The following C2CD2 variants were observed in gnomAD, a reference collection of about 807,000 sequenced individuals.
The protein encoded by C2CD2 is C2 domain-containing protein 2.
A neutral mutation model predicts 74.3 loss-of-function variants in C2CD2; 43 were observed. The observed-to-expected ratio is 0.58, with a 90% CI of 0.45 to 0.75. C2CD2 has a LOEUF of 0.75. C2CD2 is among the 30% of genes least tolerant of loss of function. The pLI is 0.00. For synonymous variants in C2CD2, 422 were observed against 390.7 expected, an observed-to-expected ratio of 1.08 and a Z score of -0.94; for missense variants, 801 against 916.3, an observed-to-expected ratio of 0.87 and a Z score of 1.63.
intron 9 of C2CD2, 66 bp from the exon 10 acceptor site, chr21:41,907,232 AC>A: frequency 1.6e-6 from 2 of 1,240,116 alleles, no homozygotes; most frequent in East Asian, 4.6e-5. Context: ...CAGCCAGGTA[AC>A]ACTGCCTTCT....
chr21:41,918,784 C>G (rs1339664072), intron 4 of C2CD2, 72 bp downstream of exon 4: 1 of 1,165,350 alleles, frequency 8.6e-7, no homozygotes, highest in Non-Finnish European at 1.3e-6. Context: ...CACTCAGTTC[C>G]CCACCGCAGA....
chr21:41,905,758 G>A lies in C2CD2; in HGVS notation c.1398C>T (p.Ala466=). The A allele has an allele frequency of 6.2e-7, 1 of 1,610,982 alleles. No individual in the cohort carries two copies. The highest frequency in any genetic ancestry group is 1.1e-5 in the South Asian group (1 of 90,938). ...AAGAAGAGAGTGTTTTGCTGACGGG[G>A]GCGCTGCGGCAGGCGATGGCCTGGA... The part of the protein sequence containing the change: ...ISVQAIACRS[A]PVSKTLSSSD... The change falls in exon 11 of 14, where the codon GCC becomes GCT. Residue 466 remains alanine (A), a synonymous_variant. Transcript: ENST00000380486.
At chr21:41,938,876 G>C (rs1329123726) in intron 2 of C2CD2, among the ~76,000 whole-genome samples, 1 of 151,812 alleles carries the variant, frequency 6.6e-6, no homozygotes, top group Non-Finnish European at 1.5e-5. Flanking sequence ...TAAGTAGCTG[G>C]GATTACAGGT....
chr21:41,901,760 G>A lies in C2CD2; in HGVS notation c.1433-11C>T. ...TCAACACCAACAATTCTACCAGAAG[G>A]AAGGCAGTGTTAAGTTCATCAGCAA... On this transcript the variant is annotated splice_polypyrimidine_tract_variant and intron_variant, in intron 11 of 13. Transcript: ENST00000380486. 1 of 1,613,624 alleles carries A rather than the reference G, an allele frequency of 6.2e-7. No individual in the cohort carries two copies.
intron 11 of C2CD2, 97 bp downstream of exon 11, chr21:41,905,627 T>A: frequency 1.5e-6 from 1 of 663,814 alleles, no homozygotes. Context: ...CCAAAACAAC[T>A]TTTTCCAAAT....
chr21:41,919,096 G>T, intron 3 of C2CD2, 136 bp from the exon 4 acceptor site: 1 of 670,118 alleles, frequency 1.5e-6, no homozygotes, highest in Non-Finnish European at 2.7e-6. Flanking sequence ...GCATATATGA[G>T]TGCATGTGAG....
In C2CD2 at chr21:41,907,158, G is replaced by A; in HGVS notation, c.1152C>T (p.Tyr384=). Residue 384 remains tyrosine (Y), a synonymous_variant, in exon 10 of 14, where the codon TAC becomes TAT. Coordinates refer to ENST00000380486, the MANE Select transcript of C2CD2 (RefSeq NM_015500.2). ...VLGSVTAEFS[Y]MEPGELKSWP... ...AGGATTTCAATTCACCAGGTTCCAT[G>A]TAAGAGAACTGCAGAGAAGACGCGT... 6.2e-7 allele frequency: 1 copy of A among 1,613,980 alleles called. No individual in the cohort carries two copies. The highest frequency in any genetic ancestry group is 1.3e-5 in the African/African-American group (1 of 75,050).
intron 6 of C2CD2, among the ~76,000 whole-genome samples, chr21:41,914,296 A>T (rs1163619659): frequency 5.6e-3 from 169 of 30,390 alleles, no homozygotes; most frequent in South Asian, 6.1e-3. Context: ...TCAACAGTTA[A>T]AAAAAAAAAA....
chr21:41,953,785 G>C lies in C2CD2; in HGVS notation c.-137C>G. 1.2e-6 allele frequency: 1 copy of C among 810,578 alleles called. No individual in the cohort carries two copies. Among genetic ancestry groups the C allele is most frequent in the Non-Finnish European group, 1.6e-6 (1 of 613,866 alleles). The allele number at this position is 810,578 out of a possible 1,614,324, so 50.2% of individuals were successfully genotyped here. On this transcript the variant is annotated 5_prime_UTR_variant, in exon 1 of 14. Transcript: ENST00000380486. ...CGCGGCGGGGTCGGAGCCCGGCGAG[G>C]AGCGTGGCCGGGGGCCTCTGGGCGG...
intron 2 of C2CD2, among the ~76,000 whole-genome samples, chr21:41,937,975 T>C (rs1376592843): frequency 6.6e-6 from 1 of 152,166 alleles, no homozygotes; most frequent in Non-Finnish European, 1.5e-5. Flanking sequence ...GGGGAGGTAT[T>C]GGTTAAAGGA....
chr21:41,916,558 A>G (rs1882685413), intron 5 of C2CD2, among the ~76,000 whole-genome samples: 1 of 151,870 alleles, frequency 6.6e-6, no homozygotes, highest in African/African-American at 2.4e-5. Context: ...TTTAGGTCTC[A>G]GGGCTTCAGA....
chr21:41,927,211 G>A (rs1239838443), intron 2 of C2CD2, among the ~76,000 whole-genome samples: 1 of 152,178 alleles, frequency 6.6e-6, no homozygotes, highest in Non-Finnish European at 1.5e-5. Flanking sequence ...TGTCCCCTAA[G>A]CTGAAGTGCA....
chr21:41,928,544 C>CAAAAAAAAAA (rs59346777), intron 2 of C2CD2, among the ~76,000 whole-genome samples: 36 of 72,258 alleles, frequency 5.0e-4, no homozygotes, highest in African/African-American at 1.0e-3. Flanking sequence ...TAAAGCAAAG[C>CAAAAAAAAAA]AAAAAAAAAA....
In C2CD2 at chr21:41,953,776, C is replaced by G. The variant is rs1210491584; in HGVS notation, c.-128G>C. On this transcript the variant is annotated 5_prime_UTR_variant, in exon 1 of 14. Coordinates refer to ENST00000380486, the MANE Select transcript of C2CD2 (RefSeq NM_015500.2). ...TGGAGGGGGCGCGGCGGGGTCGGAG[C>G]CCGGCGAGGAGCGTGGCCGGGGGCC... The G allele has an allele frequency of 6.7e-6, 6 of 900,966 alleles. No individual in the cohort carries two copies. In the East Asian group the frequency reaches 1.1e-4, roughly 17 times the overall value. 55.8% of individuals were successfully genotyped at this position (900,966 alleles called of 1,614,324 possible).
chr21:41,950,284 G>A (rs2065439744), intron 1 of C2CD2, among the ~76,000 whole-genome samples: 2 of 152,230 alleles, frequency 1.3e-5, no homozygotes, highest in South Asian at 4.1e-4. Context: ...GGGCAGGCAC[G>A]TGTGTCACTA....
intron 2 of C2CD2, among the ~76,000 whole-genome samples, chr21:41,931,118 G>A (rs1377885502): frequency 2.0e-5 from 3 of 150,552 alleles, no homozygotes; most frequent in African/African-American, 7.3e-5. Flanking sequence ...GTGCATGTTG[G>A]GACTAGAAGA....
At chr21:41,928,660 CCT>C (rs1335379268) in intron 2 of C2CD2, among the ~76,000 whole-genome samples, 5 of 152,072 alleles carry the variant, frequency 3.3e-5, no homozygotes. Flanking sequence ...CAGGCAGCCC[CCT>C]GAGTTATGGA....
chr21:41,886,687 T>C lies in C2CD2; in HGVS notation c.*2437A>G, dbSNP rs1192407076. 1.3e-5 allele frequency: 2 copies of C among 151,936 alleles called. No homozygotes were observed. The highest frequency in any genetic ancestry group is 2.9e-5 in the Non-Finnish European group (2 of 67,998). 9.4% of individuals were successfully genotyped at this position (151,936 alleles called of 1,614,324 possible). A position where few individuals can be genotyped will look rare whatever the true frequency, so the allele number is the denominator to read the frequency against. ...TTTTTTTTTTTGAGAGCAAGAAGGC[T>C]TAATATAAAATCCTGGGGCCGGCCT... On this transcript the variant is annotated 3_prime_UTR_variant, in exon 14 of 14. Coordinates refer to ENST00000380486, the MANE Select transcript of C2CD2 (RefSeq NM_015500.2).
chr21:41,918,427 C>A (rs940964502), intron 4 of C2CD2, among the ~76,000 whole-genome samples, 200 bp from the exon 5 acceptor site: 1 of 152,204 alleles, frequency 6.6e-6, no homozygotes, highest in Non-Finnish European at 1.5e-5. Context: ...GCCCAAGTTA[C>A]GAGTGCAGCA....
Sources: allele counts gnomAD v4.1 joint callset (sites outside exome capture counted in the v4.1 genomes callset), GRCh38; gene constraint gnomAD v4.1.1; transcripts MANE v1.5; gene names NCBI Gene and HGNC (gene_info 2026-07-23, HGNC 2026-07-21).